Variants in FAM76A observed in about 807,000 individuals in gnomAD.
FAM76A encodes family with sequence similarity 76 member A.
A neutral mutation model predicts 46.2 loss-of-function variants in FAM76A; 32 were observed. The ratio of observed to expected loss-of-function variants is 0.69; its 90% CI spans 0.52 to 0.93. FAM76A has a LOEUF of 0.93. Ranked by LOEUF, FAM76A falls within the 40% of genes least tolerant of loss-of-function variation. The probability of loss-of-function intolerance (pLI) is 0.00; values close to 1 mark genes in which losing one functional copy is unlikely to be tolerated. For missense variants in FAM76A, 274 were observed against 361.5 expected (o/e 0.76, Z 1.96); for synonymous variants, 137 against 127.0 (o/e 1.08, Z -0.53).
In FAM76A at chr1:27,737,941, T is replaced by C. The variant is rs186907081; in HGVS notation, c.354+3758T>C. 1.5e-3 allele frequency among the ~76,000 whole-genome samples: 222 copies of C among 147,520 alleles called. 2 individuals are homozygous for C. The highest frequency in any genetic ancestry group is 4.6e-4 in the Non-Finnish European group (31 of 67,214). ...GTGGTGGTGCATGTGTGGTTCCAGC[T>C]ACCTGGGAGGCTGAGGTGGGAAGAT... is the stretch of plus-strand genomic sequence containing the variant. On this transcript the variant is annotated intron_variant, in intron 4 of 8. Transcript: ENST00000373954.
At chr1:27,744,205 CA>C (rs1003876224) in intron 4 of FAM76A, among the ~76,000 whole-genome samples, 21 of 152,072 alleles carry the variant, frequency 1.4e-4, no homozygotes, top group African/African-American at 4.8e-4. Context: ...CTCGGCTCAC[CA>C]CAACCTCCGC....
At chr1:27,732,954 G>C (rs900308873) in intron 3 of FAM76A, among the ~76,000 whole-genome samples, 1 of 129,472 alleles carries the variant, frequency 7.7e-6, no homozygotes, top group Non-Finnish European at 1.7e-5. Flanking sequence ...TTTTTTTTTT[G>C]TGACTGAGTC....
rs753033777 is a variant in FAM76A at position 27,755,206 on chromosome 1, AC to A, written c.613del (p.Leu205TrpfsTer17). 1 of 1,614,002 alleles carries A rather than the reference AC, an allele frequency of 6.2e-7. No homozygotes were observed. Among genetic ancestry groups the A allele is most frequent in the Non-Finnish European group, 8.5e-7 (1 of 1,180,030 alleles). ...ATTTTTAAATTTAGCTTCTCCCCAG[AC>A]CTGGCTCTGGACTCACCAGGCACTG... ...ITTNGDSFSP[D>X]LALDSPGTDH... On this transcript the variant is annotated frameshift_variant, in exon 7 of 9. Transcript: ENST00000373954. LOFTEE classifies it high-confidence loss of function.
At chr1:27,739,094 A>G (rs985664496) in intron 4 of FAM76A, 1 of 331,976 alleles carries the variant, frequency 3.0e-6, no homozygotes, top group South Asian at 2.5e-5. Context: ...ACTACACTAC[A>G]AGGAGGTGTG....
At chr1:27,759,988 G>A (rs1325630954) in intron 8 of FAM76A, 2 of 458,138 alleles carry the variant, frequency 4.4e-6, no homozygotes, top group South Asian at 3.1e-5. Flanking sequence ...GCCTGGGCTA[G>A]TCTTGAACTC....
At chr1:27,751,970 A>AT (rs1310715876) in intron 6 of FAM76A, among the ~76,000 whole-genome samples, 1 of 151,496 alleles carries the variant, frequency 6.6e-6, no homozygotes, top group Non-Finnish European at 1.5e-5. Context: ...CACTCGGCTA[A>AT]TTTTTTTGTG....
chr1:27,761,799 T>C lies in FAM76A; in HGVS notation c.*1218T>C, dbSNP rs886748796. ...CAACATGGTAAAACCCCATCTGTAC[T>C]AAAAAAATACAAAAATTAGCCGGGC... is the stretch of plus-strand genomic sequence containing the variant. On this transcript the variant is annotated 3_prime_UTR_variant, in exon 9 of 9. Coordinates refer to ENST00000373954, the MANE Select transcript of FAM76A (RefSeq NM_152660.3). 6.6e-6 allele frequency: 1 copy of C among 151,688 alleles called. No individual in the cohort carries two copies. Among genetic ancestry groups the C allele is most frequent in the Admixed American group, 6.6e-5 (1 of 15,222 alleles). The allele number at this position is 151,688 out of a possible 1,614,324, so 9.4% of individuals were successfully genotyped here. A position where few individuals can be genotyped will look rare whatever the true frequency, so the allele number is the denominator to read the frequency against.
chr1:27,737,632 A>G (rs1275710920), intron 4 of FAM76A, among the ~76,000 whole-genome samples: 2 of 151,910 alleles, frequency 1.3e-5, no homozygotes, highest in Non-Finnish European at 1.5e-5. Context: ...CAGGCAGATC[A>G]CTTGAGGTCA....
intron 2 of FAM76A, 110 bp from the exon 3 acceptor site, chr1:27,732,493 C>G: frequency 1.4e-6 from 1 of 740,290 alleles, no homozygotes; most frequent in Admixed American, 2.3e-5. Context: ...ACCAAGCATC[C>G]AGACCATATC....
chr1:27,756,185 A>G (rs2088406521), intron 7 of FAM76A, among the ~76,000 whole-genome samples: 2 of 152,248 alleles, frequency 1.3e-5, no homozygotes, highest in Admixed American at 1.3e-4. Flanking sequence ...TTCCCTGAAC[A>G]GCGTTCATGT....
intron 6 of FAM76A, among the ~76,000 whole-genome samples, chr1:27,750,907 A>G (rs2088320287): frequency 6.6e-6 from 1 of 152,234 alleles, no homozygotes; most frequent in Admixed American, 6.5e-5. Context: ...AGTCGTTCAC[A>G]CATGTAATCC....
At chr1:27,737,685 CTACAAAAAA>C (rs1317015291) in intron 4 of FAM76A, among the ~76,000 whole-genome samples, 1 of 151,796 alleles carries the variant, frequency 6.6e-6, no homozygotes, top group African/African-American at 2.4e-5. Context: ...AACACTGTTT[CTACAAAAAA>C]TACAAAAATT....
intron 2 of FAM76A, among the ~76,000 whole-genome samples, 158 bp downstream of exon 2, chr1:27,727,694 T>G (rs2087883954): frequency 6.6e-6 from 1 of 152,184 alleles, no homozygotes. Context: ...GCTAAATATT[T>G]AGGTCTATGA....
intron 4 of FAM76A, among the ~76,000 whole-genome samples, chr1:27,736,832 C>T (rs145801444): frequency 0.023 from 3,526 of 152,068 alleles, 64 homozygotes; most frequent in Middle Eastern, 0.061. Flanking sequence ...AGGCTGGTCT[C>T]GAACTCCTGA....
chr1:27,734,375 G>T (rs530061645), intron 4 of FAM76A, among the ~76,000 whole-genome samples, 192 bp downstream of exon 4: 4 of 151,772 alleles, frequency 2.6e-5, no homozygotes, highest in Non-Finnish European at 4.4e-5. Flanking sequence ...GTGAAACCGC[G>T]TCTCTACTAA....
intron 4 of FAM76A, chr1:27,740,563 A>T (rs2088134201): frequency 2.8e-6 from 3 of 1,064,534 alleles, no homozygotes; most frequent in Non-Finnish European, 4.3e-6. Flanking sequence ...AGGACCCCAG[A>T]TCTGTGATTG....
At chr1:27,738,032 G>A (rs1411474553) in intron 4 of FAM76A, among the ~76,000 whole-genome samples, 3 of 151,874 alleles carry the variant, frequency 2.0e-5, no homozygotes, top group Non-Finnish European at 2.9e-5. Context: ...CAATGTGGGT[G>A]AGAGAATGAG....
intron 6 of FAM76A, among the ~76,000 whole-genome samples, chr1:27,752,494 A>G (rs1235175030): frequency 1.3e-5 from 2 of 152,220 alleles, no homozygotes; most frequent in Non-Finnish European, 2.9e-5. Flanking sequence ...TTATTTTTCC[A>G]TAGGCAATCA....
chr1:27,728,769 C>G (rs937259719), intron 2 of FAM76A, among the ~76,000 whole-genome samples: 3 of 152,054 alleles, frequency 2.0e-5, no homozygotes, highest in Non-Finnish European at 2.9e-5. Context: ...CGAGACCAGC[C>G]TGGCTAACAT....
Sources: allele counts gnomAD v4.1 joint callset (sites outside exome capture counted in the v4.1 genomes callset), GRCh38; gene constraint gnomAD v4.1.1; transcripts MANE v1.5; gene names NCBI Gene and HGNC (gene_info 2026-07-23, HGNC 2026-07-21).